The following ERC2 variants were observed in gnomAD, a reference collection of about 807,000 sequenced individuals.
The protein encoded by ERC2 is ELKS/RAB6-interacting/CAST family member 2.
ERC2 carries 42 observed loss-of-function variants against 114.8 expected under a neutral mutation model. That is an observed-to-expected ratio of 0.37 (90% confidence interval 0.29 to 0.47). The LOEUF (loss-of-function observed/expected upper bound fraction) is 0.47. Ranked by LOEUF, ERC2 falls within the 20% of genes least tolerant of loss-of-function variation. The pLI, the probability that ERC2 is intolerant of heterozygous loss-of-function variation, is 0.99. For synonymous variants in ERC2, 454 were observed against 425.5 expected, an observed-to-expected ratio of 1.07 and a Z score of -0.82; for missense variants, 939 against 1,150.7, an observed-to-expected ratio of 0.82 and a Z score of 2.66.
chr3:56,236,926 A>T (rs917414069), intron 3 of ERC2, among the ~76,000 whole-genome samples: 67 of 152,332 alleles, frequency 4.4e-4, no homozygotes, highest in African/African-American at 1.6e-3. Flanking sequence ...ACCAACACGA[A>T]TGTTGGTAAA....
chr3:56,140,569 T>A (rs2080795596), intron 5 of ERC2, among the ~76,000 whole-genome samples: 1 of 152,222 alleles, frequency 6.6e-6, no homozygotes. Context: ...CTGCCCACTC[T>A]GCTGTTGATA....
At chr3:56,036,645 C>T (rs1269857208) in intron 7 of ERC2, among the ~76,000 whole-genome samples, 3 of 152,126 alleles carry the variant, frequency 2.0e-5, no homozygotes, top group African/African-American at 7.2e-5. Flanking sequence ...GGTGGAGTGA[C>T]GGCCCACTGG....
Position 55,580,486 on chromosome 3 carries a change from T to A in ERC2, c.*40-69210A>T, listed in dbSNP as rs2057207278. The stretch of plus-strand genomic sequence containing the variant: ...ACTGCCTGGATCAGGGGTCCTCAAG[T>A]TGTTACCAACTCCCACAAGAGCCCT... On this transcript the variant is annotated intron_variant, in intron 17 of 17. Transcript: ENST00000288221. 2.0e-5 allele frequency among the ~76,000 whole-genome samples: 3 copies of A among 152,296 alleles called. No homozygotes were observed. The South Asian group carries it at 6.2e-4, about 32-fold the overall frequency.
intron 2 of ERC2, among the ~76,000 whole-genome samples, chr3:56,341,723 T>A (rs2058097337): frequency 6.6e-6 from 1 of 152,194 alleles, no homozygotes. Context: ...AGTCATTCAT[T>A]CAGCCTCCAG....
chr3:55,726,785 G>T (rs2643618), intron 15 of ERC2, among the ~76,000 whole-genome samples: 125,518 of 152,160 alleles, frequency 0.82, 52,277 homozygotes, highest in African/African-American at 0.94. Flanking sequence ...AGAGAACCAG[G>T]GGACTAGTCT....
intron 4 of ERC2, among the ~76,000 whole-genome samples, chr3:56,165,311 T>C (rs1298962299): frequency 1.3e-5 from 2 of 152,002 alleles, no homozygotes; most frequent in African/African-American, 2.4e-5. Flanking sequence ...CTATTGCATA[T>C]GGCAATAGCT....
chr3:56,161,692 C>T (rs562115075), intron 4 of ERC2, among the ~76,000 whole-genome samples: 1 of 152,166 alleles, frequency 6.6e-6, no homozygotes, highest in South Asian at 2.1e-4. Context: ...TGATTTTGCT[C>T]TCAGCTTGAA....
chr3:55,627,866 T>C (rs1240081309), intron 17 of ERC2, among the ~76,000 whole-genome samples: 1 of 149,322 alleles, frequency 6.7e-6, no homozygotes, highest in Non-Finnish European at 1.5e-5. Flanking sequence ...TAAAATCATC[T>C]GGACTGGGAC....
chr3:56,171,312 C>T (rs183783390), intron 4 of ERC2, among the ~76,000 whole-genome samples: 3 of 152,242 alleles, frequency 2.0e-5, no homozygotes, highest in East Asian at 3.9e-4. Flanking sequence ...CTGGGATGAC[C>T]CTCCACCAGC....
chr3:55,824,274 A>G (rs1197123767), intron 14 of ERC2, among the ~76,000 whole-genome samples: 1 of 152,146 alleles, frequency 6.6e-6, no homozygotes, highest in African/African-American at 2.4e-5. Flanking sequence ...GGCTCTCTCC[A>G]TTTCTACCAT....
At chr3:55,743,847 A>C (rs905805230) in intron 14 of ERC2, among the ~76,000 whole-genome samples, 1 of 152,128 alleles carries the variant, frequency 6.6e-6, no homozygotes, top group Non-Finnish European at 1.5e-5. Flanking sequence ...CAAGTTCCTC[A>C]TAAATAACCT....
intron 4 of ERC2, among the ~76,000 whole-genome samples, chr3:56,164,248 C>T (rs558868139): frequency 6.6e-6 from 1 of 152,040 alleles, no homozygotes; most frequent in South Asian, 2.1e-4. Flanking sequence ...TTAGCAGTAA[C>T]TCTTCTTTCC....
At chr3:56,096,619 GA>G in intron 6 of ERC2, among the ~76,000 whole-genome samples, 1 of 152,226 alleles carries the variant, frequency 6.6e-6, no homozygotes, top group Non-Finnish European at 1.5e-5. Flanking sequence ...TAAAAACTTC[GA>G]ATCTCTGAGA....
At chr3:55,533,011 T>C (rs775749575) in intron 17 of ERC2, among the ~76,000 whole-genome samples, 1 of 152,232 alleles carries the variant, frequency 6.6e-6, no homozygotes, top group Non-Finnish European at 1.5e-5. Flanking sequence ...CCTAAAATCC[T>C]GGGGCATGAG....
Position 56,018,852 on chromosome 3 carries a change from T to C in ERC2, c.1779+42A>G, listed in dbSNP as rs926101830. 5.0e-6 allele frequency: 8 copies of C among 1,589,682 alleles called. 1 individual carries two copies. The East Asian group carries it at 9.0e-5, about 18-fold the overall frequency. ...TGGGATCAACTTTCCCCAACTCTGT[T>C]TCCCCATATCCTGATTCCCCAGTTT... On this transcript the variant is annotated intron_variant, in intron 8 of 17. Transcript: ENST00000288221.
intron 2 of ERC2, among the ~76,000 whole-genome samples, chr3:56,399,474 T>C (rs1175139113): frequency 6.6e-6 from 1 of 152,170 alleles, no homozygotes; most frequent in Non-Finnish European, 1.5e-5. Context: ...CTCAATTACA[T>C]CAATAAATTA....
At chr3:56,305,903 G>A (rs866069425) in intron 2 of ERC2, among the ~76,000 whole-genome samples, 3 of 152,154 alleles carry the variant, frequency 2.0e-5, no homozygotes, top group African/African-American at 7.2e-5. Flanking sequence ...AGGCTGGAGT[G>A]TACTGGTGCA....
intron 12 of ERC2, among the ~76,000 whole-genome samples, chr3:55,982,169 T>C (rs575598503): frequency 6.6e-6 from 1 of 152,306 alleles, no homozygotes; most frequent in African/African-American, 2.4e-5. Flanking sequence ...AAGTGCTTCA[T>C]GGAATATATT....
At chr3:56,356,220 G>T (rs1026314377) in intron 2 of ERC2, among the ~76,000 whole-genome samples, 1 of 152,194 alleles carries the variant, frequency 6.6e-6, no homozygotes, top group Non-Finnish European at 1.5e-5. Context: ...TCCACCAGAG[G>T]TTGTTTTTTG....
Sources: gnomAD v4.1 joint callset for allele counts (sites outside exome capture counted in the v4.1 genomes callset) on GRCh38, gnomAD v4.1.1 for gene constraint, MANE v1.5 for transcripts, NCBI Gene and HGNC (gene_info 2026-07-23, HGNC 2026-07-21) for gene names.